The following SEL1L3 variants were observed in gnomAD, a reference collection of about 807,000 sequenced individuals.
SEL1L3 encodes the protein SEL1L family member 3.
In SEL1L3, 76 loss-of-function variants were observed where a neutral mutation model predicts 142.8. The observed-to-expected ratio is 0.53, with a 90% CI of 0.44 to 0.64. SEL1L3 has a LOEUF of 0.64. Among genes scored for constraint, SEL1L3 ranks in the 30% least tolerant of loss-of-function variants. SEL1L3 has a pLI of 0.00. For missense variants in SEL1L3, 1,262 were observed against 1,381.7 expected (o/e 0.91, Z 1.37); for synonymous variants, 504 against 519.6 (o/e 0.97, Z 0.41).
At chr4:25,734,734 G>A in the SEL1L3 span, among the ~76,000 whole-genome samples, 67,415 of 151,562 alleles carry the variant, frequency 0.44, 15,636 homozygotes, top group East Asian at 0.67. Flanking sequence ...ATGCCTGGCT[G>A]ATTTTTGTGT....
Position 25,799,267 on chromosome 4 carries a change from G to A in SEL1L3, c.1956+3016C>T, listed in dbSNP as rs185552015. On this transcript the variant is annotated intron_variant, in intron 11 of 23. Coordinates refer to ENST00000399878, the MANE Select transcript of SEL1L3 (RefSeq NM_015187.5). ...TTTTTGCATTTTTAGTAGAGATGGG[G>A]TCTCACTATGTTGCCCAGACTGGTC... Among the ~76,000 whole-genome samples the A allele has an allele frequency of 8.5e-5, 13 of 152,152 alleles. No individual in the cohort carries two copies. The East Asian group carries it at 2.5e-3, about 30-fold the overall frequency.
intron 3 of SEL1L3, 79 bp from the exon 4 acceptor site, chr4:25,833,648 T>A: frequency 7.8e-7 from 1 of 1,286,064 alleles, no homozygotes; most frequent in Non-Finnish European, 1.1e-6. Context: ...AATGACCAAG[T>A]AAATTGCTTT....
chr4:25,762,010 A>G (rs1360072223), intron 20 of SEL1L3, among the ~76,000 whole-genome samples: 1 of 152,060 alleles, frequency 6.6e-6, no homozygotes, highest in African/African-American at 2.4e-5. Context: ...CTGGAGTGCA[A>G]TGATCTCAGC....
downstream of SEL1L3, among the ~76,000 whole-genome samples, chr4:25,744,755 T>G (rs151121400): frequency 8.2e-3 from 1,245 of 152,224 alleles, 19 homozygotes; most frequent in African/African-American, 0.028. Context: ...TGGGTCTTAA[T>G]CCAATGTGGC....
At chr4:25,771,864 T>TG (rs1719238899) in intron 17 of SEL1L3, among the ~76,000 whole-genome samples, 1 of 152,272 alleles carries the variant, frequency 6.6e-6, no homozygotes, top group South Asian at 2.1e-4. Context: ...GCCTCAGGCA[T>TG]GACAACATTA....
At position 25,835,240 on chromosome 4, in the gene SEL1L3, G is replaced by A. The variant is rs778042633; in HGVS notation, c.817C>T (p.Arg273Ter). The A allele has an allele frequency of 3.7e-6, 6 of 1,613,904 alleles. No homozygotes were observed. The highest frequency in any genetic ancestry group is 2.2e-5 in the East Asian group (1 of 44,884). ...IVKKFPRFRNRELEATRRQRM... is the reference protein window; with the variant it reads ...IVKKFPRFRN Reference sequence around the variant, plus strand: ...TGGCGTCGAGTGGCCTCCAGCTCTCGGTTCCGAAACCTCGGGAACTTCTTG... The same window carrying A: ...TGGCGTCGAGTGGCCTCCAGCTCTCAGTTCCGAAACCTCGGGAACTTCTTG... Residue 273 changes from arginine to a stop codon, truncating the protein, a stop_gained, in exon 3 of 24, where the codon CGA (arginine) becomes TGA (stop). Transcript: ENST00000399878. LOFTEE classifies it high-confidence loss of function.
chr4:25,785,097 AC>A (rs1381788652), intron 13 of SEL1L3, among the ~76,000 whole-genome samples: 1 of 152,062 alleles, frequency 6.6e-6, no homozygotes, highest in Non-Finnish European at 1.5e-5. Flanking sequence ...AATTACTGAT[AC>A]CCCCAATCCC....
At position 25,776,180 on chromosome 4, in the gene SEL1L3, C is replaced by A. The variant is rs16877544; in HGVS notation, c.2669+97G>T. On this transcript the variant is annotated intron_variant, in intron 17 of 23. Coordinates refer to ENST00000399878, the MANE Select transcript of SEL1L3 (RefSeq NM_015187.5). ...ATTACTGGGAGCTGTGATTTCCCTG[C>A]AAATTGCTTTCTCAGTTGCATTTTA... The A allele has an allele frequency of 4.9e-3, 3,468 of 714,452 alleles. 62 individuals carry two copies. Among genetic ancestry groups the A allele is most frequent in the African/African-American group, 0.047 (2,610 of 56,120 alleles). 44.3% of individuals were successfully genotyped at this position (714,452 alleles called of 1,614,324 possible). A position where few individuals can be genotyped will look rare whatever the true frequency, so the allele number is the denominator to read the frequency against.
chr4:25,820,525 G>A (rs1714685001), intron 7 of SEL1L3, among the ~76,000 whole-genome samples: 1 of 152,232 alleles, frequency 6.6e-6, no homozygotes, highest in African/African-American at 2.4e-5. Context: ...TCAGGAACAA[G>A]GGACTTAGCT....
At chr4:25,751,339 C>G (rs1717575160) in intron 23 of SEL1L3, among the ~76,000 whole-genome samples, 1 of 152,108 alleles carries the variant, frequency 6.6e-6, no homozygotes, top group African/African-American at 2.4e-5. Flanking sequence ...CATCAGCAAT[C>G]AGAAATGAAG....
chr4:25,818,050 C>G (rs1206012654), intron 9 of SEL1L3, 88 bp downstream of exon 9: 3 of 1,355,990 alleles, frequency 2.2e-6, no homozygotes, highest in Non-Finnish European at 1.0e-6. Flanking sequence ...AACTTTAAGG[C>G]ATAAATCACC....
At chr4:25,715,076 A>G in the SEL1L3 span, among the ~76,000 whole-genome samples, 9 of 152,206 alleles carry the variant, frequency 5.9e-5, no homozygotes, top group African/African-American at 2.2e-4. Context: ...TTTCAAATCA[A>G]TAAAGTAGCA....
intron 20 of SEL1L3, among the ~76,000 whole-genome samples, chr4:25,762,767 C>G (rs1718456826): frequency 6.6e-6 from 1 of 152,054 alleles, no homozygotes. Flanking sequence ...ATCACGAGGT[C>G]AAGAGATGAA....
intron 11 of SEL1L3, among the ~76,000 whole-genome samples, chr4:25,801,033 C>T (rs764621586): frequency 1.6e-4 from 25 of 152,222 alleles, no homozygotes; most frequent in African/African-American, 5.5e-4. Context: ...CAGTCAGCCA[C>T]GCAGCCTAAA....
intron 1 of SEL1L3, 39 bp downstream of exon 1, chr4:25,862,636 C>A: frequency 2.5e-6 from 3 of 1,178,822 alleles, no homozygotes; most frequent in South Asian, 3.5e-5. Context: ...CCCGGGGCCC[C>A]GCGCGGAGGG....
chr4:25,853,233 C>T (rs895215133), intron 1 of SEL1L3, among the ~76,000 whole-genome samples: 1 of 152,050 alleles, frequency 6.6e-6, no homozygotes, highest in African/African-American at 2.4e-5. Context: ...AGAGTAAGGC[C>T]CTGTCCCCTC....
In SEL1L3 at chr4:25,764,412, G is replaced by A. The variant is rs145414603; in HGVS notation, c.2955+914C>T. On this transcript the variant is annotated intron_variant, in intron 20 of 23. Transcript: ENST00000399878. ...ACATTAATATCTTAGTTTGACAATG[G>A]CATTGCAGTTATGTCAGATGTGAAC... Among the ~76,000 whole-genome samples the A allele has an allele frequency of 8.7e-3, 1,319 of 152,318 alleles. 10 individuals are homozygous for A. The highest frequency in any genetic ancestry group is 0.013 in the Non-Finnish European group (875 of 68,034).
chr4:25,862,955 TGCCGCCACCTCCGGACCCGCCGCC>T lies in SEL1L3; in HGVS notation c.-143_-120del, dbSNP rs1264653336. On this transcript the variant is annotated 5_prime_UTR_variant, in exon 1 of 24. Transcript: ENST00000399878. ...GCCGGCCGCCGCGCGCGGGGCCACC[TGCCGCCACCTCCGGACCCGCCGCC>T]GCCGCCACTGCCGCTCCCGCCGTCG... 8 of 600,706 alleles carry T rather than the reference TGCCGCCACCTCCGGACCCGCCGCC, an allele frequency of 1.3e-5. No individual in the cohort carries two copies. Among genetic ancestry groups the T allele is most frequent in the Non-Finnish European group, 1.6e-5 (8 of 507,496 alleles). 37.2% of individuals were successfully genotyped at this position (600,706 alleles called of 1,614,324 possible).
At chr4:25,833,322 G>T in intron 4 of SEL1L3, 126 bp downstream of exon 4, 1 of 894,660 alleles carries the variant, frequency 1.1e-6, no homozygotes. Context: ...CCCACATTTG[G>T]AAGTCATTGC....
Sources: allele counts gnomAD v4.1 joint callset (sites outside exome capture counted in the v4.1 genomes callset), GRCh38; gene constraint gnomAD v4.1.1; transcripts MANE v1.5; gene names NCBI Gene and HGNC (gene_info 2026-07-23, HGNC 2026-07-21).